Variants in RERE observed in about 807,000 individuals in gnomAD.
The protein encoded by RERE is arginine-glutamic acid dipeptide repeats protein.
RERE carries 40 observed loss-of-function variants against 146.1 expected under a neutral mutation model. The ratio of observed to expected loss-of-function variants is 0.27; its 90% confidence interval spans 0.21 to 0.36. The LOEUF (loss-of-function observed/expected upper bound fraction) is 0.36. Among genes scored for constraint, RERE ranks in the 10% least tolerant of loss-of-function variants. The pLI is 1.00. For synonymous variants in RERE, 1,003 were observed against 866.0 expected (o/e 1.16, Z -2.78); for missense variants, 1,933 against 2,138.7 (o/e 0.90, Z 1.90).
rs1646732347 is a variant in RERE, at chr1:8,607,530, A to ATTTTT, written c.522+7030_522+7031insAAAAA. ...GCCCCGCATATTTGTTTTTATATAT[A>ATTTTT]TTTCTTTTTTTTTTTTTTTTTTTTT... On this transcript the variant is annotated intron_variant, in intron 4 of 22. Coordinates refer to ENST00000400908, the MANE Select transcript of RERE (RefSeq NM_001042681.2). Among the ~76,000 whole-genome samples the ATTTTT allele has an allele frequency of 1.7e-4, 10 of 57,596 alleles. 1 individual carries two copies. In the East Asian group the frequency reaches 9.6e-3, roughly 55 times the overall value. 37.8% of individuals were successfully genotyped at this position (57,596 alleles called of 152,430 possible). A position where few individuals can be genotyped will look rare whatever the true frequency, so the allele number is the denominator to read the frequency against.
At position 8,512,014 on chromosome 1, in the gene RERE, C is replaced by CTTTTTTTTTTTTTTTTTTTTTTTTTTTTT. The variant is rs763835328; in HGVS notation, c.831-3368_831-3340dup. ...GTATCAACAGCTTGTAGGAAACACT[C>CTTTTTTTTTTTTTTTTTTTTTTTTTTTTT]TTTTTTTTTTTTTTTTTTTTTTTTT... On this transcript the variant is annotated intron_variant, in intron 7 of 22. Coordinates refer to ENST00000400908, the MANE Select transcript of RERE (RefSeq NM_001042681.2). The CTTTTTTTTTTTTTTTTTTTTTTTTTTTTT allele has an allele frequency of 5.1e-5, 2 of 38,920 alleles. 1 individual carries two copies. Among genetic ancestry groups the CTTTTTTTTTTTTTTTTTTTTTTTTTTTTT allele is most frequent in the Non-Finnish European group, 9.6e-5 (2 of 20,738 alleles). 2.4% of individuals were successfully genotyped at this position (38,920 alleles called of 1,614,324 possible).
chr1:8,729,476 G>A (rs1193832485), intron 1 of RERE, among the ~76,000 whole-genome samples: 2 of 151,896 alleles, frequency 1.3e-5, no homozygotes, highest in African/African-American at 4.8e-5. Flanking sequence ...ACCCGCCTCG[G>A]CCTCCCAAAG....
intron 6 of RERE, 65 bp from the exon 7 acceptor site, chr1:8,541,383 G>A (rs929056216): frequency 1.1e-6 from 1 of 947,782 alleles, no homozygotes; most frequent in Non-Finnish European, 1.7e-6. Flanking sequence ...AAAACTGGAG[G>A]GGGAAGGGTG....
intron 1 of RERE, among the ~76,000 whole-genome samples, chr1:8,667,159 C>T (rs1638593806): frequency 6.6e-6 from 1 of 152,148 alleles, no homozygotes; most frequent in Non-Finnish European, 1.5e-5. Flanking sequence ...AATAAGGCTT[C>T]TCAATTTCTT....
At position 8,358,209 on chromosome 1, in the gene RERE, G is replaced by A. The variant is rs1312955446; in HGVS notation, c.4326C>T (p.Asp1442=). The A allele has an allele frequency of 3.1e-6, 5 of 1,593,572 alleles. No homozygotes were observed. The highest frequency in any genetic ancestry group is 1.1e-5 in the South Asian group (1 of 90,078). Residue 1442 remains aspartate (D), a synonymous_variant, in exon 20 of 23, where the codon GAC becomes GAT. Transcript: ENST00000400908. ...TGGGGCACGCACCTTGGTGGAGGGG[G>A]TCCTGCTGGTGGAGGTGGAGGTGGG... ...IHSHLHLHQQ[D]PLHQGSAGPV...
chr1:8,559,663 A>G (rs139873633), intron 4 of RERE, among the ~76,000 whole-genome samples: 1 of 152,294 alleles, frequency 6.6e-6, no homozygotes, highest in East Asian at 1.9e-4. Context: ...ACTTGAGAAA[A>G]AATGGGAGAG....
intron 1 of RERE, among the ~76,000 whole-genome samples, chr1:8,714,013 T>C (rs1439326772): frequency 2.0e-5 from 3 of 152,188 alleles, no homozygotes; most frequent in Admixed American, 2.0e-4. Flanking sequence ...TTAAAATTCA[T>C]TTGGCTTTTA....
At chr1:8,495,312 ATTTTTT>A (rs111493554) in intron 9 of RERE, 150 bp from the exon 10 acceptor site, 2 of 381,428 alleles carry the variant, frequency 5.2e-6, no homozygotes, top group African/African-American at 2.2e-5. Context: ...CTCTGCTCCT[ATTTTTT>A]TTTTTTTTTC....
chr1:8,432,302 A>C (rs1395463169), intron 11 of RERE, among the ~76,000 whole-genome samples: 3 of 151,716 alleles, frequency 2.0e-5, no homozygotes, highest in African/African-American at 7.3e-5. Flanking sequence ...TCTCTTACCC[A>C]ATCTAGAATG....
At chr1:8,469,318 AT>A (rs1644649073) in intron 10 of RERE, among the ~76,000 whole-genome samples, 1 of 152,130 alleles carries the variant, frequency 6.6e-6, no homozygotes, top group Non-Finnish European at 1.5e-5. Context: ...ACAGGAAAAA[AT>A]TTGAATTTCA....
intron 1 of RERE, among the ~76,000 whole-genome samples, chr1:8,687,257 G>A (rs1639111371): frequency 6.6e-6 from 1 of 152,190 alleles, no homozygotes; most frequent in African/African-American, 2.4e-5. Flanking sequence ...TCCCTGAACA[G>A]CTGGTCTATA....
chr1:8,431,129 C>T (rs967803502), intron 11 of RERE, among the ~76,000 whole-genome samples: 3 of 152,168 alleles, frequency 2.0e-5, no homozygotes, highest in African/African-American at 7.2e-5. Flanking sequence ...CGGGGGTCTC[C>T]AGTCCCCAGG....
chr1:8,448,798 C>T (rs1644355546), intron 11 of RERE, among the ~76,000 whole-genome samples: 1 of 151,902 alleles, frequency 6.6e-6, no homozygotes, highest in South Asian at 2.1e-4. Context: ...CACTGCACTC[C>T]AGCCTCGGTG....
chr1:8,362,892 T>C, intron 15 of RERE, 48 bp from the exon 16 acceptor site: 2 of 1,578,008 alleles, frequency 1.3e-6, no homozygotes, highest in Non-Finnish European at 8.6e-7. Flanking sequence ...CCAGTCCCCA[T>C]GTGGACCCAC....
intron 1 of RERE, among the ~76,000 whole-genome samples, chr1:8,690,882 A>AT: frequency 6.6e-6 from 1 of 152,048 alleles, no homozygotes; most frequent in Admixed American, 6.5e-5. Flanking sequence ...ATTTTAGTTT[A>AT]TTTTTTATTT....
rs564212119 is a variant in RERE, at chr1:8,643,529, C to G, written c.325+12444G>C. ...AGGGTAAAAAGCAGACTACTCAAAC[C>G]CTATGCAACTCTGAAATCAGATGGC... On this transcript the variant is annotated intron_variant, in intron 2 of 22. Transcript: ENST00000400908. Among the ~76,000 whole-genome samples, 58 of 152,244 alleles carry G rather than the reference C, an allele frequency of 3.8e-4. No individual in the cohort carries two copies. In the East Asian group the frequency reaches 5.4e-3, roughly 14 times the overall value.
At chr1:8,591,530 A>G (rs1646494249) in intron 4 of RERE, among the ~76,000 whole-genome samples, 1 of 152,144 alleles carries the variant, frequency 6.6e-6, no homozygotes, top group Admixed American at 6.5e-5. Flanking sequence ...CTATATAGCC[A>G]CCTAATGAAC....
chr1:8,565,186 T>C (rs896993888), intron 4 of RERE, among the ~76,000 whole-genome samples: 1 of 152,052 alleles, frequency 6.6e-6, no homozygotes, highest in Non-Finnish European at 1.5e-5. Flanking sequence ...TAACAGTGTA[T>C]TGTACATTTC....
At chr1:8,769,565 A>T (rs886961451) in intron 1 of RERE, among the ~76,000 whole-genome samples, 4 of 151,792 alleles carry the variant, frequency 2.6e-5, no homozygotes, top group Non-Finnish European at 5.9e-5. Flanking sequence ...CTCCAGCTTC[A>T]ACCTCCAAGG....
Sources: allele counts gnomAD v4.1 joint callset (sites outside exome capture counted in the v4.1 genomes callset), GRCh38; gene constraint gnomAD v4.1.1; transcripts MANE v1.5; gene names NCBI Gene and HGNC (gene_info 2026-07-23, HGNC 2026-07-21).